SCFD1: variants seen among roughly 807,000 people sequenced by gnomAD.
SCFD1 encodes the protein sec1 family domain containing 1, also known as sec1 family domain-containing protein 1.
In SCFD1, 37 loss-of-function variants were observed where a neutral mutation model predicts 103.2. The ratio of observed to expected loss-of-function variants is 0.36; its 90% CI spans 0.28 to 0.47. The LOEUF (loss-of-function observed/expected upper bound fraction) is 0.47, where lower values mean the gene tolerates loss of function less well. SCFD1 is among the 20% of genes least tolerant of loss of function. The pLI is 1.00. For synonymous variants in SCFD1, 264 were observed against 245.0 expected (o/e 1.08, Z -0.73); for missense variants, 639 against 761.2 (o/e 0.84, Z 1.89).
At chr14:30,674,862 TTCG>T (rs1470189961) in intron 13 of SCFD1, 119 bp from the exon 14 acceptor site, 27 of 490,644 alleles carry the variant, frequency 5.5e-5, no homozygotes, top group Middle Eastern at 8.6e-4. Flanking sequence ...GATAGTTTAA[TTCG>T]TCATCTTGTT....
At chr14:30,634,696 A>G in intron 4 of SCFD1, 1 of 405,156 alleles carries the variant, frequency 2.5e-6, no homozygotes, top group Non-Finnish European at 4.8e-6. Context: ...CTGGTGCAGA[A>G]GTACTATAAG....
intron 4 of SCFD1, among the ~76,000 whole-genome samples, chr14:30,636,625 C>A (rs925759113): frequency 2.6e-5 from 4 of 152,086 alleles, no homozygotes; most frequent in African/African-American, 9.7e-5. Context: ...GTGTTGATAT[C>A]TCTTGCTTGA....
intron 7 of SCFD1, among the ~76,000 whole-genome samples, chr14:30,646,025 G>T (rs1156292415): frequency 6.7e-6 from 1 of 150,314 alleles, no homozygotes; most frequent in East Asian, 2.0e-4. Context: ...TTTTTTGTGT[G>T]TTTTTTTTTG....
At chr14:30,655,428 T>C (rs1378135437) in intron 10 of SCFD1, among the ~76,000 whole-genome samples, 3 of 152,084 alleles carry the variant, frequency 2.0e-5, no homozygotes, top group Non-Finnish European at 4.4e-5. Context: ...TAGTATATGA[T>C]TGTATTGTGA....
chr14:30,637,860 C>T (rs1748688172), intron 4 of SCFD1, among the ~76,000 whole-genome samples: 1 of 152,072 alleles, frequency 6.6e-6, no homozygotes, highest in South Asian at 2.1e-4. Context: ...TGCAGATAGG[C>T]TGTATGAAAG....
At chr14:30,628,151 A>G (rs1455355891) in intron 1 of SCFD1, 58 bp from the exon 2 acceptor site, 8 of 1,291,372 alleles carry the variant, frequency 6.2e-6, no homozygotes, top group South Asian at 1.3e-5. Context: ...ATGATGATGG[A>G]GGAAAAATAA....
chr14:30,625,419 G>A (rs991825601), intron 1 of SCFD1, among the ~76,000 whole-genome samples: 23 of 152,164 alleles, frequency 1.5e-4, no homozygotes, highest in Non-Finnish European at 2.1e-4. Context: ...AGCATTTCAG[G>A]TTTCAGATAT....
rs369788275 is a variant in SCFD1 at position 30,636,967 on chromosome 14, A to G, written c.313-1158A>G. On this transcript the variant is annotated intron_variant, in intron 4 of 24. Coordinates refer to ENST00000458591, the MANE Select transcript of SCFD1 (RefSeq NM_016106.4). ...CTTTCTGGCACAATAAGATGTTCCA[A>G]TATAGCCTAGGATTTTACTTTCTCT... is the stretch of plus-strand genomic sequence containing the variant. 4.6e-5 allele frequency among the ~76,000 whole-genome samples: 7 copies of G among 152,078 alleles called. No homozygotes were observed. The East Asian group carries it at 5.8e-4, about 13-fold the overall frequency.
At chr14:30,683,495 G>A (rs1012522937) in intron 14 of SCFD1, 40 of 350,700 alleles carry the variant, frequency 1.1e-4, no homozygotes, top group Non-Finnish European at 1.9e-4. Flanking sequence ...ATGAGCTCCT[G>A]TTGTTTTGCC....
At position 30,653,500 on chromosome 14, in the gene SCFD1, C is replaced by T; in HGVS notation, c.767C>T (p.Pro256Leu). The T allele has an allele frequency of 1.9e-6, 3 of 1,610,646 alleles. No homozygotes were observed. The South Asian group carries it at 3.3e-5, about 18-fold the overall frequency. ...ATGTATATTTACAGCTTCCAGAGGC[C>T]CTTATTAGTCCTTGTTGACAGAAAC... ...LGAGQFSFQR[P>L]LLVLVDRNID... is the part of the protein sequence containing the mutation. The change falls in exon 10 of 25, where the codon CCC becomes CTC. Residue 256 changes from proline (P) to leucine (L), a missense_variant. Pro to Leu is a moderately conservative substitution (Grantham distance 98). Transcript: ENST00000458591.
intron 15 of SCFD1, 51 bp from the exon 16 acceptor site, chr14:30,700,137 A>C: frequency 7.5e-7 from 1 of 1,328,806 alleles, no homozygotes. Context: ...ACTATAATAC[A>C]TAATAACCAC....
At chr14:30,733,845 A>G (rs776975991) in intron 23 of SCFD1, among the ~76,000 whole-genome samples, 9 of 152,208 alleles carry the variant, frequency 5.9e-5, no homozygotes, top group Non-Finnish European at 8.8e-5. Flanking sequence ...CTCCTTGAAC[A>G]AGAATCAGGT....
chr14:30,658,662 G>A (rs1887144683), intron 10 of SCFD1, among the ~76,000 whole-genome samples: 1 of 152,116 alleles, frequency 6.6e-6, no homozygotes, highest in Non-Finnish European at 1.5e-5. Flanking sequence ...CAAAGTGCTG[G>A]GATTACAGGC....
At chr14:30,681,997 T>C (rs1889525319) in intron 14 of SCFD1, among the ~76,000 whole-genome samples, 1 of 152,220 alleles carries the variant, frequency 6.6e-6, no homozygotes, top group Non-Finnish European at 1.5e-5. Context: ...AATAGAATTT[T>C]TATTATCTAG....
chr14:30,703,385 A>G (rs367812635), intron 17 of SCFD1, among the ~76,000 whole-genome samples: 1 of 150,348 alleles, frequency 6.7e-6, no homozygotes, highest in East Asian at 1.9e-4. Context: ...CCATTTTTTC[A>G]TCCATATGTA....
At chr14:30,663,324 A>C (rs1887613359) in intron 10 of SCFD1, among the ~76,000 whole-genome samples, 2 of 152,222 alleles carry the variant, frequency 1.3e-5, no homozygotes, top group Non-Finnish European at 2.9e-5. Flanking sequence ...AACTGTTTAA[A>C]GATGTTTCTC....
At chr14:30,663,439 TTCTC>T (rs1887624750) in intron 10 of SCFD1, among the ~76,000 whole-genome samples, 1 of 152,234 alleles carries the variant, frequency 6.6e-6, no homozygotes, top group Non-Finnish European at 1.5e-5. Flanking sequence ...TATTTTTACT[TTCTC>T]TCTATATGGA....
At chr14:30,724,589 C>G (rs929263455) in intron 23 of SCFD1, among the ~76,000 whole-genome samples, 1 of 152,000 alleles carries the variant, frequency 6.6e-6, no homozygotes, top group Admixed American at 6.6e-5. Flanking sequence ...CTTATAGATG[C>G]GGGATATTAG....
intron 23 of SCFD1, among the ~76,000 whole-genome samples, chr14:30,723,522 T>C (rs1475847801): frequency 6.6e-6 from 1 of 152,162 alleles, no homozygotes; most frequent in Non-Finnish European, 1.5e-5. Flanking sequence ...CTAGTACCCA[T>C]TTGTTATTTT....
Sources: allele counts gnomAD v4.1 joint callset (sites outside exome capture counted in the v4.1 genomes callset), GRCh38; gene constraint gnomAD v4.1.1; transcripts MANE v1.5; gene names NCBI Gene and HGNC (gene_info 2026-07-23, HGNC 2026-07-21).